The following HAAO variants were observed in gnomAD, a reference collection of about 807,000 sequenced individuals.
HAAO encodes 3-hydroxyanthranilate oxygenase.
In HAAO, 49 loss-of-function variants were observed where a neutral mutation model predicts 46.2. That is an observed-to-expected ratio of 1.06 (90% CI 0.84 to 1.34). The LOEUF is 1.34. Ranked by LOEUF, HAAO falls within the 40% of genes most tolerant of loss-of-function variation. The pLI, the probability that HAAO is intolerant of heterozygous loss-of-function variation, is 0.00. For missense variants in HAAO, 408 were observed against 364.5 expected (o/e 1.12, Z -0.97); for synonymous variants, 157 against 145.2 (o/e 1.08, Z -0.58).
At chr2:42,783,042 G>A (rs551334769) in intron 4 of HAAO, 8 of 521,566 alleles carry the variant, frequency 1.5e-5, no homozygotes, top group Non-Finnish European at 2.4e-5. Context: ...ACAACCTCAC[G>A]CAGAAAGCAC....
intron 6 of HAAO, 113 bp downstream of exon 6, chr2:42,770,030 T>C (rs1670984457): frequency 2.6e-6 from 3 of 1,149,890 alleles, no homozygotes; most frequent in African/African-American, 1.5e-5. Context: ...TCTTAGTACC[T>C]TGAGGACTGG....
intron 4 of HAAO, among the ~76,000 whole-genome samples, chr2:42,781,868 T>G (rs1173734688): frequency 6.8e-6 from 1 of 146,758 alleles, no homozygotes; most frequent in Admixed American, 6.8e-5. Context: ...GAGTGAAACT[T>G]TGTCTCAAAA....
At chr2:42,770,619 A>G in intron 4 of HAAO, 37 bp from the exon 5 acceptor site, 2 of 1,426,660 alleles carry the variant, frequency 1.4e-6, no homozygotes, top group Non-Finnish European at 1.9e-6. Flanking sequence ...TGCTGTCCCC[A>G]TCTGGGTGGC....
At chr2:42,787,369 G>T (rs368365073) in intron 2 of HAAO, among the ~76,000 whole-genome samples, 1 of 152,152 alleles carries the variant, frequency 6.6e-6, no homozygotes, top group Non-Finnish European at 1.5e-5. Flanking sequence ...GGAAGACTCC[G>T]CAGCCAGCTG....
At chr2:42,789,329 C>A (rs533151203) in intron 1 of HAAO, among the ~76,000 whole-genome samples, 1 of 152,082 alleles carries the variant, frequency 6.6e-6, no homozygotes, top group Non-Finnish European at 1.5e-5. Flanking sequence ...GCCTGTAATC[C>A]CAGCACTTTG....
intron 4 of HAAO, chr2:42,783,045 G>A: frequency 5.6e-6 from 3 of 532,540 alleles, no homozygotes; most frequent in Non-Finnish European, 1.0e-5. Flanking sequence ...ACCTCACGCA[G>A]AAAGCACAGA....
chr2:42,790,507 G>A (rs529891662), intron 1 of HAAO, among the ~76,000 whole-genome samples: 1 of 140,716 alleles, frequency 7.1e-6, no homozygotes, highest in South Asian at 2.5e-4. Context: ...TTGGCCTAAG[G>A]GGTGCTGGGG....
At chr2:42,775,280 T>TG (rs1010521149) in intron 4 of HAAO, among the ~76,000 whole-genome samples, 267 of 109,648 alleles carry the variant, frequency 2.4e-3, no homozygotes, top group Non-Finnish European at 4.1e-3. Context: ...GGTTGTCTGG[T>TG]GGGGGGAGAA....
intron 2 of HAAO, among the ~76,000 whole-genome samples, chr2:42,786,625 A>G (rs1672403675): frequency 6.6e-6 from 1 of 152,150 alleles, no homozygotes; most frequent in African/African-American, 2.4e-5. Context: ...TGCCCTGTCC[A>G]AGATCCCGGG....
At chr2:42,788,292 T>C (rs893731) in intron 2 of HAAO, among the ~76,000 whole-genome samples, 125,176 of 152,254 alleles carry the variant, frequency 0.82, 52,176 homozygotes, top group African/African-American at 0.95. Context: ...AGGGCATGGG[T>C]TGTTTCCTGG....
intron 4 of HAAO, among the ~76,000 whole-genome samples, chr2:42,778,919 G>A (rs11124888): frequency 6.6e-6 from 1 of 151,862 alleles, no homozygotes; most frequent in African/African-American, 2.4e-5. Context: ...TTCGAGACCA[G>A]CTTGACTAAC....
chr2:42,769,585 GTGTGTGTGTGT>G, intron 7 of HAAO, 117 bp downstream of exon 7: 1 of 661,354 alleles, frequency 1.5e-6, no homozygotes, highest in Non-Finnish European at 2.4e-6. Context: ...GTGTGTGTGT[GTGTGTGTGTGT>G]GTGTGTGTGA....
At chr2:42,776,231 CTTTTTTTTTT>C (rs57398023) in intron 4 of HAAO, among the ~76,000 whole-genome samples, 77 of 71,224 alleles carry the variant, frequency 1.1e-3, no homozygotes, top group African/African-American at 4.7e-3. Context: ...TGGCATCCAT[CTTTTTTTTTT>C]TTTTTTTTTT....
chr2:42,776,402 C>G (rs1185233849), intron 4 of HAAO, among the ~76,000 whole-genome samples: 1 of 151,700 alleles, frequency 6.6e-6, no homozygotes, highest in Non-Finnish European at 1.5e-5. Context: ...CCACACCTGG[C>G]TAATTTTGCA....
intron 4 of HAAO, chr2:42,782,797 G>C (rs1672103650): frequency 5.4e-6 from 2 of 372,692 alleles, no homozygotes; most frequent in Admixed American, 6.6e-5. Context: ...CCCACTTTGA[G>C]TCTTCCCACC....
chr2:42,769,213 C>G (rs1043750673), intron 7 of HAAO, among the ~76,000 whole-genome samples: 97 of 152,322 alleles, frequency 6.4e-4, no homozygotes, highest in African/African-American at 2.2e-3. Flanking sequence ...GCAACTCTAT[C>G]CTACTCTCCC....
In HAAO at chr2:42,783,784, C is replaced by T. The variant is rs1226757490; in HGVS notation, c.243G>A (p.Glu81=). 1 of 1,611,214 alleles carries T rather than the reference C, an allele frequency of 6.2e-7. No homozygotes were observed. Among genetic ancestry groups the T allele is most frequent in the Non-Finnish European group, 8.5e-7 (1 of 1,178,712 alleles). ...KHRDVVIRQG[E]IFLLPARVPH... is the part of the protein sequence containing the mutation. ...CCACCCTGCTGGGATCCGGCCTCAC[C>T]TCTCCCTGCCGAATGACCACATCCC... The change falls in exon 3 of 10, where the codon GAG becomes GAA. Residue 81 remains glutamate (E), a splice_region_variant and synonymous_variant. Transcript: ENST00000294973.
At position 42,767,647 on chromosome 2, in the gene HAAO, G is replaced by A. The variant is rs200847909; in HGVS notation, c.730C>T (p.Arg244Trp). The A allele has an allele frequency of 4.6e-5, 72 of 1,568,698 alleles. No homozygotes were observed. Among genetic ancestry groups the A allele is most frequent in the East Asian group, 4.5e-4 (19 of 42,362 alleles). ...TCATCAGGGGCCAGGCTCAGGCGCC[G>A]TCCCCCCATTGTCACCACCGAGGAG... Reference protein sequence around the residue: ...EGSSVVTMGGRRLSLAPDDSL... With the variant: ...EGSSVVTMGGWRLSLAPDDSL... The change falls in exon 9 of 10, where the codon CGG becomes TGG. Residue 244 changes from arginine to tryptophan, a missense_variant. By Grantham distance (101) the Arg-to-Trp change is moderately radical (BLOSUM62 -3). Transcript: ENST00000294973.
chr2:42,767,914 C>G lies in HAAO; in HGVS notation c.645G>C (p.Gly215=). ...GTCTCAGGCCTTCGCTGCTGCCTTG[C>G]CCATAGGCGATCACCTGGTGGGAGG... ...DTYETQVIAY[G]QGSSEGLRQN... is the part of the protein sequence containing the mutation. The change falls in exon 8 of 10, where the codon GGG becomes GGC. Residue 215 remains glycine (G), a synonymous_variant. Transcript: ENST00000294973. The G allele has an allele frequency of 1.2e-6, 2 of 1,613,762 alleles. No individual in the cohort carries two copies. The highest frequency in any genetic ancestry group is 1.3e-5 in the African/African-American group (1 of 75,058).
Sources: allele counts gnomAD v4.1 joint callset (sites outside exome capture counted in the v4.1 genomes callset), GRCh38; gene constraint gnomAD v4.1.1; transcripts MANE v1.5; gene names NCBI Gene and HGNC (gene_info 2026-07-23, HGNC 2026-07-21).